The following PNISR variants were observed in gnomAD, a reference collection of about 807,000 sequenced individuals.
The protein encoded by PNISR is arginine/serine-rich protein PNISR.
PNISR carries 20 observed loss-of-function variants against 93.4 expected under a neutral mutation model. The ratio of observed to expected loss-of-function variants is 0.21; its 90% confidence interval spans 0.15 to 0.31. PNISR has a LOEUF of 0.31. Among genes scored for constraint, PNISR ranks in the 10% least tolerant of loss-of-function variants. PNISR has a pLI of 1.00. For synonymous variants in PNISR, 305 were observed against 306.5 expected, an observed-to-expected ratio of 0.99 and a Z score of 0.05; for missense variants, 893 against 985.4, an observed-to-expected ratio of 0.91 and a Z score of 1.25.
At chr6:99,412,795 T>A in intron 3 of PNISR, 56 bp from the exon 4 acceptor site, 1 of 1,033,662 alleles carries the variant, frequency 9.7e-7, no homozygotes, top group Non-Finnish European at 1.4e-6. Flanking sequence ...AAAAGAATAG[T>A]GCCTCTATGT....
rs770030653 is a variant in PNISR, at chr6:99,398,702, G to A, written c.*1838C>T. Reference sequence around the variant, plus strand: ...TTTGAAAATATTTCACTTCAAGATTGATCTAAAAAACATTTTAAGATATGA... The same window carrying A: ...TTTGAAAATATTTCACTTCAAGATTAATCTAAAAAACATTTTAAGATATGA... On this transcript the variant is annotated 3_prime_UTR_variant, in exon 12 of 12. Coordinates refer to ENST00000369239, the MANE Select transcript of PNISR (RefSeq NM_032870.4). 1 of 151,888 alleles carries A rather than the reference G, an allele frequency of 6.6e-6. No homozygotes were observed. The highest frequency in any genetic ancestry group is 1.5e-5 in the Non-Finnish European group (1 of 67,906). 9.4% of individuals were successfully genotyped at this position (151,888 alleles called of 1,614,324 possible). A position where few individuals can be genotyped will look rare whatever the true frequency, so the allele number is the denominator to read the frequency against.
Position 99,401,384 on chromosome 6 carries a change from C to T in PNISR, c.1574G>A (p.Ser525Asn), listed in dbSNP as rs759008781. 4 of 1,599,022 alleles carry T rather than the reference C, an allele frequency of 2.5e-6. No individual in the cohort carries two copies. In the East Asian group the frequency reaches 8.9e-5, roughly 36 times the overall value. ...SGSSSSNSRT[S>N]STSSTVSSSS... Reference sequence around the variant, plus strand: ...GCTAGAGACAGTACTACTAGTACTACTAGTTCTGCTATTGCTACTGGAACT... The same window carrying T: ...GCTAGAGACAGTACTACTAGTACTATTAGTTCTGCTATTGCTACTGGAACT... Residue 525 changes from serine (S) to asparagine (N), a missense_variant, in exon 12 of 12, where the codon AGT (serine) becomes AAT (asparagine). Physicochemically the swap from Ser to Asn is conservative, Grantham distance 46. This residue lies in a region of PNISR where 866 missense variants were observed against 935.1 expected (regional missense o/e 0.93). Transcript: ENST00000369239.
At chr6:99,419,188 A>AAAAAAAAAAAAAAAC (rs1778201523) in intron 1 of PNISR, among the ~76,000 whole-genome samples, 1 of 51,772 alleles carries the variant, frequency 1.9e-5, no homozygotes, top group Non-Finnish European at 3.6e-5. Flanking sequence ...AAAAAAAAAA[A>AAAAAAAAAAAAAAAC]AAGGGCAATT....
At chr6:99,422,145 C>A (rs973083383) in intron 1 of PNISR, among the ~76,000 whole-genome samples, 1 of 152,170 alleles carries the variant, frequency 6.6e-6, no homozygotes, top group African/African-American at 2.4e-5. Flanking sequence ...GGACTACAGG[C>A]ATGAGCCACC....
chr6:99,417,828 C>T (rs976076335), intron 1 of PNISR, among the ~76,000 whole-genome samples: 1 of 151,768 alleles, frequency 6.6e-6, no homozygotes, highest in African/African-American at 2.4e-5. Context: ...ATTAGCCGGG[C>T]GTGGCGGCGG....
At chr6:99,417,894 G>T (rs1211459839) in intron 1 of PNISR, among the ~76,000 whole-genome samples, 1 of 150,564 alleles carries the variant, frequency 6.6e-6, no homozygotes, top group Non-Finnish European at 1.5e-5. Context: ...CTTGAATCTG[G>T]GAGGCGGAGG....
At chr6:99,410,003 T>C (rs1348496793) in intron 5 of PNISR, 1 of 152,204 alleles carries the variant, frequency 6.6e-6, no homozygotes, top group East Asian at 1.9e-4. Flanking sequence ...AATGAGAGGA[T>C]TACCATCTCA....
At position 99,412,615 on chromosome 6, in the gene PNISR, T is replaced by G. The variant is rs1291954582; in HGVS notation, c.213A>C (p.Glu71Asp). The change falls in exon 4 of 12, where the codon GAA (glutamate) becomes GAC (aspartate). Residue 71 changes from glutamate to aspartate, a missense_variant. Physicochemically the swap from Glu to Asp is conservative, Grantham distance 45. Transcript: ENST00000369239. The stretch of plus-strand genomic sequence containing the variant: ...AATTCCCATGATTGTTTGGACCAGA[T>G]TCCATTGTAGACATATCTTGTCCAT... ...MPNGQDMSTM[E>D]SGPNNHGNFQ... 2 of 1,612,162 alleles carry G rather than the reference T, an allele frequency of 1.2e-6. No homozygotes were observed. Among genetic ancestry groups the G allele is most frequent in the South Asian group, 2.2e-5 (2 of 90,508 alleles).
chr6:99,405,669 A>T (rs973611771), intron 8 of PNISR, among the ~76,000 whole-genome samples: 4 of 151,846 alleles, frequency 2.6e-5, no homozygotes, highest in Non-Finnish European at 5.9e-5. Context: ...GGCTCAAACA[A>T]TCCTCCCACC....
At chr6:99,424,402 T>C (rs1440248960) in intron 1 of PNISR, among the ~76,000 whole-genome samples, 2 of 141,932 alleles carry the variant, frequency 1.4e-5, no homozygotes, top group Non-Finnish European at 3.0e-5. Flanking sequence ...ATAAAGTCTA[T>C]TAGTAAGTTA....
intron 9 of PNISR, 114 bp downstream of exon 9, chr6:99,404,489 A>C: frequency 9.6e-6 from 7 of 725,500 alleles, no homozygotes; most frequent in Admixed American, 1.9e-5. Context: ...AAAACATGCA[A>C]GAGAATATTC....
Position 99,400,407 on chromosome 6 carries a change from A to G in PNISR, c.*133T>C, listed in dbSNP as rs1775306429. The G allele has an allele frequency of 8.0e-7, 1 of 1,249,332 alleles. No individual in the cohort carries two copies. The highest frequency in any genetic ancestry group is 3.1e-5 in the Admixed American group (1 of 32,128). 77.4% of individuals were successfully genotyped at this position (1,249,332 alleles called of 1,614,324 possible). A position where few individuals can be genotyped will look rare whatever the true frequency, so the allele number is the denominator to read the frequency against. Reference sequence around the variant, plus strand: ...ATAAATAATATTATATAGGATTTCTAACATTTAAGACTATGATTATTTATC... The same window carrying G: ...ATAAATAATATTATATAGGATTTCTGACATTTAAGACTATGATTATTTATC... On this transcript the variant is annotated 3_prime_UTR_variant, in exon 12 of 12. Transcript: ENST00000369239.
rs1779357089 is a variant in PNISR, at chr6:99,425,246, C to T, written c.-143G>A. 4 of 1,232,194 alleles carry T rather than the reference C, an allele frequency of 3.2e-6. No homozygotes were observed. The highest frequency in any genetic ancestry group is 3.1e-5 in the African/African-American group (2 of 64,544). 76.3% of individuals were successfully genotyped at this position (1,232,194 alleles called of 1,614,324 possible). On this transcript the variant is annotated 5_prime_UTR_variant, in exon 1 of 12. Transcript: ENST00000369239. The stretch of plus-strand genomic sequence containing the variant: ...TAGTTCGGGAACACCCTTGTCGCCG[C>T]CGTTCCGGTAACACCTCTCCAACGC...
rs1775204988 is a variant in PNISR at position 99,399,429 on chromosome 6, T to C, written c.*1111A>G. The C allele has an allele frequency of 6.6e-6, 1 of 152,138 alleles. No homozygotes were observed. The highest frequency in any genetic ancestry group is 2.4e-5 in the African/African-American group (1 of 41,460). The allele number at this position is 152,138 out of a possible 1,614,324, so 9.4% of individuals were successfully genotyped here. Reference sequence around the variant, plus strand: ...ATAATACAGCATTCCTCCATTGATTTGAGGTCATATTATACTTTAAAAATA... The same window carrying C: ...ATAATACAGCATTCCTCCATTGATTCGAGGTCATATTATACTTTAAAAATA... On this transcript the variant is annotated 3_prime_UTR_variant, in exon 12 of 12. Transcript: ENST00000369239.
intron 1 of PNISR, chr6:99,424,999 A>C (rs1779300437): frequency 2.7e-6 from 1 of 376,504 alleles, no homozygotes; most frequent in Non-Finnish European, 4.7e-6. Flanking sequence ...TGGGACCGTG[A>C]GCACTCTCTT....
At chr6:99,407,845 T>G (rs1582791635) in intron 7 of PNISR, among the ~76,000 whole-genome samples, 1 of 152,340 alleles carries the variant, frequency 6.6e-6, no homozygotes, top group East Asian at 1.9e-4. Context: ...TACAGATTGT[T>G]TATCAAGATC....
chr6:99,420,878 ATCT>A (rs1206921070), intron 1 of PNISR, among the ~76,000 whole-genome samples: 1 of 152,226 alleles, frequency 6.6e-6, no homozygotes, highest in Non-Finnish European at 1.5e-5. Context: ...TCAAACAAAA[ATCT>A]TCTTTAGGGG....
chr6:99,419,189 A>AAAAAAAAAAC (rs1778202910), intron 1 of PNISR, among the ~76,000 whole-genome samples: 1 of 53,746 alleles, frequency 1.9e-5, no homozygotes, highest in Non-Finnish European at 3.5e-5. Flanking sequence ...AAAAAAAAAA[A>AAAAAAAAAAC]AGGGCAATTT....
rs775039905 is a variant in PNISR at position 99,412,508 on chromosome 6, GT to G, written c.277+42del. 12 of 1,364,060 alleles carry G rather than the reference GT, an allele frequency of 8.8e-6. No individual in the cohort carries two copies. In the South Asian group the frequency reaches 1.5e-4, roughly 17 times the overall value. 84.5% of individuals were successfully genotyped at this position (1,364,060 alleles called of 1,614,324 possible). A position where few individuals can be genotyped will look rare whatever the true frequency, so the allele number is the denominator to read the frequency against. ...AAAATTTAATAATAATCTTCATTCT[GT>G]TTTTTAAAAGTCTTAAAATTGTGAA... On this transcript the variant is annotated intron_variant, in intron 4 of 11. Coordinates refer to ENST00000369239, the MANE Select transcript of PNISR (RefSeq NM_032870.4).
Sources: allele counts gnomAD v4.1 joint callset (sites outside exome capture counted in the v4.1 genomes callset), GRCh38; gene constraint gnomAD v4.1.1; regional missense constraint gnomAD v4.1.1; transcripts MANE v1.5; gene names NCBI Gene and HGNC (gene_info 2026-07-23, HGNC 2026-07-21).